Variants in SLIT3 observed in about 807,000 individuals in gnomAD.
SLIT3 encodes slit guidance ligand 3.
Under a neutral mutation model 184.0 loss-of-function variants are expected in SLIT3, and 68 were observed. The ratio of observed to expected loss-of-function variants is 0.37; its 90% CI spans 0.30 to 0.45. The LOEUF (loss-of-function observed/expected upper bound fraction) is 0.45. SLIT3 is among the 20% of genes least tolerant of loss of function. SLIT3 has a pLI of 1.00. For missense variants in SLIT3, 1,707 were observed against 2,026.0 expected (o/e 0.84, Z 3.02); for synonymous variants, 831 against 828.6 (o/e 1.00, Z -0.05).
Position 169,219,434 on chromosome 5 carries a change from C to T in SLIT3, c.341+25271G>A, listed in dbSNP as rs1320507514. On this transcript the variant is annotated intron_variant, in intron 3 of 35. Transcript: ENST00000519560. ...AGCTCGGAAAACTGAAGTTACGTGT[C>T]ATACAACTCATCACACTACTGGTAA... Among the ~76,000 whole-genome samples, 3 of 152,380 alleles carry T rather than the reference C, an allele frequency of 2.0e-5. No individual in the cohort carries two copies. The East Asian group carries it at 5.8e-4, about 29-fold the overall frequency.
rs191201229 is a variant in SLIT3, at chr5:169,257,623, T to C, written c.198-6164A>G. Among the ~76,000 whole-genome samples, 813 of 129,518 alleles carry C rather than the reference T, an allele frequency of 6.3e-3. 5 individuals are homozygous for C. The highest frequency in any genetic ancestry group is 0.017 in the African/African-American group (555 of 32,940). The allele number at this position is 129,518 out of a possible 152,430, so 85.0% of individuals were successfully genotyped here. A position where few individuals can be genotyped will look rare whatever the true frequency, so the allele number is the denominator to read the frequency against. Reference sequence around the variant, plus strand: ...GTGCAGTGGCACGATCTTGGCTCACTGCAACCTCCGCTTCCTGGGTTCAAG... The same window carrying C: ...GTGCAGTGGCACGATCTTGGCTCACCGCAACCTCCGCTTCCTGGGTTCAAG... On this transcript the variant is annotated intron_variant, in intron 1 of 35. Coordinates refer to ENST00000519560, the MANE Select transcript of SLIT3 (RefSeq NM_003062.4).
At chr5:168,727,966 G>C (rs1274257483) in intron 20 of SLIT3, among the ~76,000 whole-genome samples, 3 of 152,130 alleles carry the variant, frequency 2.0e-5, no homozygotes, top group Admixed American at 6.5e-5. Flanking sequence ...AGAAGCGCTG[G>C]TCCAGGGAGG....
chr5:168,883,407 T>C, intron 4 of SLIT3, 71 bp from the exon 5 acceptor site: 3 of 1,190,366 alleles, frequency 2.5e-6, no homozygotes, highest in Non-Finnish European at 3.7e-6. Flanking sequence ...CATTAAATGA[T>C]AACAATCCCC....
At chr5:169,046,674 A>T (rs1757634396) in intron 4 of SLIT3, among the ~76,000 whole-genome samples, 1 of 152,204 alleles carries the variant, frequency 6.6e-6, no homozygotes, top group Non-Finnish European at 1.5e-5. Context: ...AGAAAGCAAC[A>T]GTGTCCCCCA....
intron 4 of SLIT3, 25 bp downstream of exon 4, chr5:169,193,454 G>A: frequency 6.2e-7 from 1 of 1,604,160 alleles, no homozygotes; most frequent in Non-Finnish European, 8.5e-7. Flanking sequence ...GCACAAGGTA[G>A]AGAACACAAG....
chr5:169,036,659 AT>A (rs57232231), intron 4 of SLIT3, among the ~76,000 whole-genome samples: 26,878 of 151,440 alleles, frequency 0.18, 2,683 homozygotes, highest in East Asian at 0.42. Context: ...GTTAATAGTA[AT>A]TTTTTTTTGG....
chr5:169,174,224 G>A (rs1402970109), intron 4 of SLIT3, among the ~76,000 whole-genome samples: 1 of 152,094 alleles, frequency 6.6e-6, no homozygotes, highest in Non-Finnish European at 1.5e-5. Context: ...GTTGCTTGTT[G>A]GTTCATTTTC....
chr5:169,011,013 A>T (rs1018362140), intron 4 of SLIT3, among the ~76,000 whole-genome samples: 1 of 152,092 alleles, frequency 6.6e-6, no homozygotes, highest in Non-Finnish European at 1.5e-5. Flanking sequence ...CTGAGATGAG[A>T]AATGTGGGTC....
chr5:169,138,952 A>C (rs10062982), intron 4 of SLIT3, among the ~76,000 whole-genome samples: 54,545 of 152,172 alleles, frequency 0.36, 10,137 homozygotes, highest in Middle Eastern at 0.47. Context: ...TGGACAACTG[A>C]TGTCCACATC....
intron 5 of SLIT3, among the ~76,000 whole-genome samples, chr5:168,853,675 G>A (rs1307124531): frequency 3.9e-5 from 6 of 152,152 alleles, no homozygotes; most frequent in Non-Finnish European, 7.3e-5. Context: ...TGAGAGCTAC[G>A]TCTCTAAACT....
intron 3 of SLIT3, among the ~76,000 whole-genome samples, chr5:169,213,914 G>A (rs1376230081): frequency 6.6e-4 from 100 of 152,214 alleles, no homozygotes; most frequent in Admixed American, 6.5e-3. Flanking sequence ...CTTGGAAGGA[G>A]AAAGAGGTGT....
intron 3 of SLIT3, among the ~76,000 whole-genome samples, chr5:169,207,513 T>A (rs909723935): frequency 1.2e-4 from 18 of 152,210 alleles, no homozygotes; most frequent in African/African-American, 3.6e-4. Context: ...ATAACATATT[T>A]TCAATTGTGG....
chr5:169,108,231 C>T (rs1159888613), intron 4 of SLIT3, among the ~76,000 whole-genome samples: 1 of 152,224 alleles, frequency 6.6e-6, no homozygotes. Flanking sequence ...TATTTTCAGA[C>T]AGTGGGAGAC....
intron 4 of SLIT3, among the ~76,000 whole-genome samples, chr5:168,919,121 G>A (rs1040430652): frequency 1.1e-4 from 17 of 151,998 alleles, no homozygotes; most frequent in African/African-American, 3.6e-4. Context: ...CTAGCCAAGC[G>A]TGGTGGCGGG....
chr5:168,823,962 TTTTGAGACGGGG>T (rs2113671144), intron 6 of SLIT3, among the ~76,000 whole-genome samples: 1 of 152,288 alleles, frequency 6.6e-6, no homozygotes, highest in East Asian at 1.9e-4. Flanking sequence ...AATCTTTTTA[TTTTGAGACGGGG>T]TTTCGCTCTT....
intron 4 of SLIT3, among the ~76,000 whole-genome samples, chr5:169,068,959 T>C (rs1440600550): frequency 1.3e-5 from 2 of 152,212 alleles, no homozygotes; most frequent in Non-Finnish European, 2.9e-5. Flanking sequence ...GTGTTTCTTT[T>C]AGGTCTTTAC....
chr5:169,164,281 G>A (rs1433919225), intron 4 of SLIT3, among the ~76,000 whole-genome samples: 12 of 152,092 alleles, frequency 7.9e-5, no homozygotes, highest in Non-Finnish European at 2.9e-5. Flanking sequence ...AAATATTTCC[G>A]GCTAATTCAA....
chr5:168,742,964 T>TA (rs201996573), intron 20 of SLIT3, among the ~76,000 whole-genome samples: 5,776 of 149,120 alleles, frequency 0.039, 139 homozygotes, highest in East Asian at 0.088. Context: ...CCATCTCTAC[T>TA]AAAAAAAAAA....
intron 16 of SLIT3, among the ~76,000 whole-genome samples, chr5:168,756,712 T>G (rs1276483166): frequency 6.6e-6 from 1 of 152,058 alleles, no homozygotes; most frequent in Admixed American, 6.5e-5. Context: ...GGAGGAGAGA[T>G]AAAGGCTCTC....
Sources: gnomAD v4.1 joint callset for allele counts (sites outside exome capture counted in the v4.1 genomes callset) on GRCh38, gnomAD v4.1.1 for gene constraint, MANE v1.5 for transcripts, NCBI Gene and HGNC (gene_info 2026-07-23, HGNC 2026-07-21) for gene names.